Variants in UACA observed in about 807,000 individuals in gnomAD.
The protein encoded by UACA is nuclear membrane binding protein.
In UACA, 112 loss-of-function variants were observed where a neutral mutation model predicts 160.5. The observed-to-expected ratio is 0.70, with a 90% CI of 0.60 to 0.82. The LOEUF (loss-of-function observed/expected upper bound fraction) is 0.82. Among genes scored for constraint, UACA ranks in the 40% least tolerant of loss-of-function variants. The pLI is 0.00. For missense variants in UACA, 1,574 were observed against 1,614.6 expected, an observed-to-expected ratio of 0.97 and a Z score of 0.43; for synonymous variants, 557 against 568.4, an observed-to-expected ratio of 0.98 and a Z score of 0.29.
intron 1 of UACA, among the ~76,000 whole-genome samples, chr15:70,743,083 G>A (rs77499868): frequency 0.027 from 4,049 of 152,190 alleles, 202 homozygotes; most frequent in African/African-American, 0.092. Context: ...TGAGGTCCCC[G>A]TTTCTGATGG....
At chr15:70,670,297 C>G (rs539015998) in intron 15 of UACA, among the ~76,000 whole-genome samples, 1 of 152,254 alleles carries the variant, frequency 6.6e-6, no homozygotes, top group African/African-American at 2.4e-5. Context: ...CATGTGGCCC[C>G]TCCTAAGTGC....
intron 2 of UACA, among the ~76,000 whole-genome samples, chr15:70,696,892 A>T (rs962275319): frequency 6.6e-6 from 1 of 152,204 alleles, no homozygotes; most frequent in African/African-American, 2.4e-5. Context: ...TATAATGATG[A>T]TGTACAAAAG....
At chr15:70,713,030 A>G (rs1217681694) in intron 1 of UACA, among the ~76,000 whole-genome samples, 1 of 152,316 alleles carries the variant, frequency 6.6e-6, no homozygotes, top group South Asian at 2.1e-4. Context: ...GCAACCAAGG[A>G]AAACAAACTA....
At position 70,667,662 on chromosome 15, in the gene UACA, G is replaced by C. The variant is rs900040152; in HGVS notation, c.3022C>G (p.Gln1008Glu). 1 of 1,613,200 alleles carries C rather than the reference G, an allele frequency of 6.2e-7. No individual in the cohort carries two copies. The highest frequency in any genetic ancestry group is 1.1e-5 in the South Asian group (1 of 91,022). ...TACTTTTGTGTCTGCTCTGATAACT[G>C]GTCTTTTAGTTCTTTCTCTGTTGCT... ...FKATEKELKD[Q>E]LSEQTQKYSV... Residue 1008 changes from glutamine (Q) to glutamate (E), a missense_variant, in exon 16 of 19, where the codon CAG becomes GAG. Gln to Glu is a conservative substitution (Grantham distance 29). Coordinates refer to ENST00000322954, the MANE Select transcript of UACA (RefSeq NM_018003.4).
At chr15:70,659,391 G>GTTTTTTTTTTTTTTT (rs1375150038) in intron 18 of UACA, among the ~76,000 whole-genome samples, 6 of 9,954 alleles carry the variant, frequency 6.0e-4, no homozygotes, top group Admixed American at 1.9e-3. Flanking sequence ...TTCATTTTTT[G>GTTTTTTTTTTTTTTT]TTTGTTTTTT....
At chr15:70,721,441 C>T (rs551775628) in intron 1 of UACA, among the ~76,000 whole-genome samples, 29 of 152,078 alleles carry the variant, frequency 1.9e-4, no homozygotes, top group Non-Finnish European at 3.2e-4. Flanking sequence ...CTGGCTAACA[C>T]GGTGAAACCC....
Position 70,667,209 on chromosome 15 carries a change from G to A in UACA, c.3475C>T (p.Gln1159Ter). Residue 1159 changes from glutamine (Q) to a stop codon, truncating the protein, a stop_gained, in exon 16 of 19, where the codon CAA (glutamine) becomes TAA (stop). Coordinates refer to ENST00000322954, the MANE Select transcript of UACA (RefSeq NM_018003.4). LOFTEE classifies it high-confidence loss of function. ...GCCAGGGGTACAGAAGAGTTCTTTT[G>A]ATTCTCCAACAATTGATGCAGTTTG... ...VTKLHQLLENQKNSSVPLAEH... is the reference protein window; with the variant it reads ...VTKLHQLLEN 1 of 1,613,818 alleles carries A rather than the reference G, an allele frequency of 6.2e-7. No homozygotes were observed. Among genetic ancestry groups the A allele is most frequent in the South Asian group, 1.1e-5 (1 of 91,056 alleles).
chr15:70,689,297 A>ATTTT (rs1897841581), intron 5 of UACA, among the ~76,000 whole-genome samples: 1 of 152,182 alleles, frequency 6.6e-6, no homozygotes, highest in African/African-American at 2.4e-5. Context: ...CTGATATTGG[A>ATTTT]GTTCTTTTGT....
upstream of UACA, among the ~76,000 whole-genome samples, chr15:70,766,809 T>C (rs775682366): frequency 2.2e-4 from 34 of 152,164 alleles, no homozygotes; most frequent in Non-Finnish European, 4.7e-4. Flanking sequence ...TGAGAAGTAA[T>C]ACCAGATGGG....
chr15:70,746,290 A>G (rs532966375), intron 1 of UACA, among the ~76,000 whole-genome samples: 1 of 152,230 alleles, frequency 6.6e-6, no homozygotes, highest in Non-Finnish European at 1.5e-5. Context: ...ATTTACAAGA[A>G]AAAAACAAAC....
chr15:70,663,465 T>A (rs1484148169), intron 17 of UACA, among the ~76,000 whole-genome samples: 1 of 152,168 alleles, frequency 6.6e-6, no homozygotes, highest in Non-Finnish European at 1.5e-5. Context: ...TCCTCAGGGA[T>A]CTCAAAGTAG....
At chr15:70,679,829 C>T (rs191931738) in intron 9 of UACA, 153 bp from the exon 10 acceptor site, 113 of 427,992 alleles carry the variant, frequency 2.6e-4, no homozygotes, top group Non-Finnish European at 1.6e-5. Context: ...ATTTAAAACT[C>T]CAAAATGGAA....
intron 1 of UACA, among the ~76,000 whole-genome samples, chr15:70,742,368 G>C (rs1438915422): frequency 6.6e-6 from 1 of 152,052 alleles, no homozygotes; most frequent in Non-Finnish European, 1.5e-5. Context: ...AAGGAATGTA[G>C]GATTTTTAGT....
the UACA span, among the ~76,000 whole-genome samples, chr15:70,777,201 T>G: frequency 2.0e-5 from 3 of 152,114 alleles, no homozygotes; most frequent in African/African-American, 7.2e-5. Flanking sequence ...AGAGTTGTCA[T>G]TAACTGAGAT....
At chr15:70,745,460 A>G (rs917376684) in intron 1 of UACA, among the ~76,000 whole-genome samples, 47 of 149,790 alleles carry the variant, frequency 3.1e-4, no homozygotes, top group East Asian at 5.8e-4. Flanking sequence ...AAAAAAAAAA[A>G]AGAGAGGACA....
chr15:70,717,946 T>G (rs1898868091), intron 1 of UACA, among the ~76,000 whole-genome samples: 1 of 151,930 alleles, frequency 6.6e-6, no homozygotes, highest in Non-Finnish European at 1.5e-5. Context: ...AAATCCTGCC[T>G]GACTTCCCTG....
chr15:70,720,713 G>A (rs1211636221), intron 1 of UACA, among the ~76,000 whole-genome samples: 4 of 152,176 alleles, frequency 2.6e-5, no homozygotes, highest in Non-Finnish European at 5.9e-5. Flanking sequence ...CCGAAGCAAA[G>A]TAAGTCAATA....
intron 14 of UACA, 54 bp downstream of exon 14, chr15:70,671,908 ATTC>A (rs1180544137): frequency 1.4e-6 from 2 of 1,423,458 alleles, no homozygotes; most frequent in Non-Finnish European, 1.9e-6. Flanking sequence ...AAGAATAAAC[ATTC>A]TTCTTTACTT....
Position 70,667,739 on chromosome 15 carries a change from T to G in UACA, c.2945A>C (p.Lys982Thr). The change falls in exon 16 of 19, where the codon AAG becomes ACG. Residue 982 changes from lysine (K) to threonine (T), a missense_variant. Transcript: ENST00000322954. ...GCTGACAATTGGGGCGTATTTTACC[T>G]TAATGCATTCTTGTATTGTGTCGAG... ...KELDTIQECI[K>T]VKYAPIVSFE... 1 of 1,614,096 alleles carries G rather than the reference T, an allele frequency of 6.2e-7. No individual in the cohort carries two copies. Among genetic ancestry groups the G allele is most frequent in the Non-Finnish European group, 8.5e-7 (1 of 1,179,984 alleles).
Sources: gnomAD v4.1 joint callset for allele counts (sites outside exome capture counted in the v4.1 genomes callset) on GRCh38, gnomAD v4.1.1 for gene constraint, MANE v1.5 for transcripts, NCBI Gene and HGNC (gene_info 2026-07-23, HGNC 2026-07-21) for gene names.